The following TLN1 variants were observed in gnomAD, a reference collection of about 807,000 sequenced individuals.
TLN1 encodes talin-1.
TLN1 carries 56 observed loss-of-function variants against 292.3 expected under a neutral mutation model. That is an observed-to-expected ratio of 0.19 (90% CI 0.15 to 0.24). The LOEUF is 0.24. TLN1 is among the 10% of genes least tolerant of loss of function. TLN1 has a pLI of 1.00. For synonymous variants in TLN1, 1,119 were observed against 1,253.7 expected, an observed-to-expected ratio of 0.89 and a Z score of 2.27; for missense variants, 2,433 against 3,248.2, an observed-to-expected ratio of 0.75 and a Z score of 6.10.
In TLN1 at chr9:35,706,182, C is replaced by T; in HGVS notation, c.5361+14G>A. On this transcript the variant is annotated intron_variant, in intron 40 of 56. Coordinates refer to ENST00000314888, the MANE Select transcript of TLN1 (RefSeq NM_006289.4). The surrounding 1 kb of genome is among the most constrained non-coding windows in gnomAD (Gnocchi z 4.2). ...TCCTGCTAGTAACAGCTCCTCCCTC[C>T]CAACCCTCAATACCTTTGGGTTACC... 15 of 1,609,702 alleles carry T rather than the reference C, an allele frequency of 9.3e-6. No homozygotes were observed. The highest frequency in any genetic ancestry group is 1.2e-5 in the Non-Finnish European group (14 of 1,177,432).
Position 35,704,023 on chromosome 9 carries a change from C to T in TLN1, c.6199G>A (p.Ala2067Thr). Residue 2067 changes from alanine (A) to threonine (T), a missense_variant, in exon 46 of 57, where the codon GCC becomes ACC. By Grantham distance (58) the Ala-to-Thr change is moderately conservative. Transcript: ENST00000314888. The surrounding 1 kb of genome is among the most constrained non-coding windows in gnomAD (Gnocchi z 6.9). ...RLADVVKLGA[A>T]SLGAEDPETQ... is the part of the protein sequence containing the mutation. ...TCAGGGTCCTCAGCTCCCAGGCTGG[C>T]TGCACCCAGCTTGACCACATCAGCG... 6.2e-7 allele frequency: 1 copy of T among 1,613,208 alleles called. No homozygotes were observed. The highest frequency in any genetic ancestry group is 2.2e-5 in the East Asian group (1 of 44,856).
Position 35,705,596 on chromosome 9 carries a change from C to T in TLN1, c.5688G>A (p.Leu1896=), listed in dbSNP as rs559304745. 2.7e-4 allele frequency: 439 copies of T among 1,605,170 alleles called. 3 individuals carry two copies. In the South Asian group the frequency reaches 4.6e-3, roughly 17 times the overall value. The change falls in exon 43 of 57, where the codon CTG becomes CTA. Residue 1896 remains leucine (L), a synonymous_variant. Coordinates refer to ENST00000314888, the MANE Select transcript of TLN1 (RefSeq NM_006289.4). ...ANQLTSDYGR[L]ASEAKPAAVA... is the part of the protein sequence containing the mutation. ...CCGCTGCAGGCTTGGCCTCCGAGGC[C>T]AGACGGCCATAGTCACTGGTCAGCT...
chr9:35,705,869 G>T lies in TLN1; in HGVS notation c.5512-18C>A. The T allele has an allele frequency of 1.9e-6, 3 of 1,614,158 alleles. No individual in the cohort carries two copies. The highest frequency in any genetic ancestry group is 2.5e-6 in the Non-Finnish European group (3 of 1,180,022). ...TCATCTAGCTGAGGGGGGAGGATAG[G>T]GAAAGGGAAAGACTGTTAGGGTCTC... On this transcript the variant is annotated intron_variant, in intron 41 of 56. Transcript: ENST00000314888.
chr9:35,719,462 G>A lies in TLN1; in HGVS notation c.1687+57C>T, dbSNP rs1431703140. ...CATGAAGCCAGTCACATGCATGCCT[G>A]TGCACACTTGCACCCCCTCTCCCCA... On this transcript the variant is annotated intron_variant, in intron 15 of 56. Transcript: ENST00000314888. The surrounding 1 kb of genome is among the most constrained non-coding windows in gnomAD (Gnocchi z 4.6). 1.2e-5 allele frequency: 18 copies of A among 1,496,584 alleles called. No individual in the cohort carries two copies. The highest frequency in any genetic ancestry group is 6.8e-5 in the East Asian group (3 of 44,382). 92.7% of individuals were successfully genotyped at this position (1,496,584 alleles called of 1,614,324 possible).
rs776442599 is a variant in TLN1, at chr9:35,718,907, G to C, written c.1900C>G (p.Arg634Gly). ...CCAGCTGCTTGCAGCAGGTTCTGAC[G>C]GGGCTGTGGAGAGTGAACACCAGTC... ...RSAQPASAEP[R>G]QNLLQAAGNV... is the part of the protein sequence containing the mutation. The change falls in exon 17 of 57, where the codon CGT becomes GGT. Residue 634 changes from arginine (R) to glycine (G), a missense_variant. By Grantham distance (125) the Arg-to-Gly change is moderately radical (BLOSUM62 -2). Coordinates refer to ENST00000314888, the MANE Select transcript of TLN1 (RefSeq NM_006289.4). 1 of 1,611,958 alleles carries C rather than the reference G, an allele frequency of 6.2e-7. No individual in the cohort carries two copies. The highest frequency in any genetic ancestry group is 1.3e-5 in the African/African-American group (1 of 74,948).
chr9:35,697,720 C>A lies in TLN1; in HGVS notation c.*71G>T, dbSNP rs565808481. On this transcript the variant is annotated 3_prime_UTR_variant, in exon 57 of 57. Transcript: ENST00000314888. ...TGGGGTTGGGCAGGTTGGGCCCCGA[C>A]AGCCCAGAAGGCTTTGGTAGTGGCA... 46 of 1,580,564 alleles carry A rather than the reference C, an allele frequency of 2.9e-5. 1 individual carries two copies. In the South Asian group the frequency reaches 5.1e-4, roughly 17 times the overall value.
Position 35,707,919 on chromosome 9 carries a change from A to T in TLN1, c.4471-27T>A. The stretch of plus-strand genomic sequence containing the variant: ...TGAGGAGACACATGGAAGAGCCACG[A>T]TGAGGGCAGGAAGGAGGTGTACATA... On this transcript the variant is annotated intron_variant, in intron 34 of 56. Transcript: ENST00000314888. This position sits in a 1 kb window ranked among gnomAD's most constrained non-coding sequence, Gnocchi z 5.6. 6.2e-7 allele frequency: 1 copy of T among 1,611,696 alleles called. No homozygotes were observed. Among genetic ancestry groups the T allele is most frequent in the Non-Finnish European group, 8.5e-7 (1 of 1,178,434 alleles).
In TLN1 at chr9:35,697,925, G is replaced by A; in HGVS notation, c.7501-9C>T. Reference sequence around the variant, plus strand: ...TCCTGTGCTGCGATGATCTGAGGGTGGAGATCGGGGACTTAGTTCAGTGAG... The same window carrying A: ...TCCTGTGCTGCGATGATCTGAGGGTAGAGATCGGGGACTTAGTTCAGTGAG... On this transcript the variant is annotated splice_polypyrimidine_tract_variant and intron_variant, in intron 56 of 56. Coordinates refer to ENST00000314888, the MANE Select transcript of TLN1 (RefSeq NM_006289.4). 1 of 1,614,144 alleles carries A rather than the reference G, an allele frequency of 6.2e-7. No individual in the cohort carries two copies. Among genetic ancestry groups the A allele is most frequent in the Non-Finnish European group, 8.5e-7 (1 of 1,180,010 alleles).
chr9:35,723,445 A>G (rs1825913577), intron 7 of TLN1: 1 of 187,430 alleles, frequency 5.3e-6, no homozygotes, highest in South Asian at 9.6e-5. Flanking sequence ...CCTGTAGGGA[A>G]AGGGACTGAG....
Position 35,711,677 on chromosome 9 carries a change from T to A in TLN1, c.3797A>T (p.Asp1266Val). The change falls in exon 29 of 57, where the codon GAC becomes GTC. Residue 1266 changes from aspartate to valine, a missense_variant. Coordinates refer to ENST00000314888, the MANE Select transcript of TLN1 (RefSeq NM_006289.4). The part of the protein sequence containing the change: ...LVQASRGTPQ[D>V]LARASGRFGQ... ...AAATCGGCCTGAGGCTCGAGCCAGG[T>A]CCTGAGGGGTTCCCCGAGAGGCCTG... The A allele has an allele frequency of 6.2e-7, 1 of 1,614,116 alleles. No individual in the cohort carries two copies. Among genetic ancestry groups the A allele is most frequent in the Non-Finnish European group, 8.5e-7 (1 of 1,180,018 alleles).
intron 43 of TLN1, 95 bp downstream of exon 43, chr9:35,705,456 T>A: frequency 7.6e-7 from 1 of 1,310,158 alleles, no homozygotes. Flanking sequence ...CCCCTTTCTA[T>A]GAAAGACCAG....
chr9:35,730,387 C>A (rs1826053091), intron 1 of TLN1, among the ~76,000 whole-genome samples: 1 of 151,198 alleles, frequency 6.6e-6, no homozygotes, highest in Admixed American at 6.6e-5. Context: ...TCAGCAAGAC[C>A]CAGTTTCCTC....
At position 35,704,394 on chromosome 9, in the gene TLN1, G is replaced by A. The variant is rs777489525; in HGVS notation, c.5985C>T (p.Thr1995=). The stretch of plus-strand genomic sequence containing the variant: ...GCGTGCCAGCAGTGGCGAACATGAT[G>A]GTGGTGTCGAGGTCAGCAATGATAC... The part of the protein sequence containing the change: ...VSGIIADLDT[T]IMFATAGTLN... Residue 1995 remains threonine (T), a synonymous_variant, in exon 45 of 57, where the codon ACC becomes ACT. Coordinates refer to ENST00000314888, the MANE Select transcript of TLN1 (RefSeq NM_006289.4). This position sits in a 1 kb window ranked among gnomAD's most constrained non-coding sequence, Gnocchi z 6.9. 4 of 1,614,230 alleles carry A rather than the reference G, an allele frequency of 2.5e-6. No individual in the cohort carries two copies. The South Asian group carries it at 4.4e-5, about 18-fold the overall frequency.
At chr9:35,711,199 C>CT (rs781712659) in intron 30 of TLN1, 56 bp downstream of exon 30, 38 of 1,611,224 alleles carry the variant, frequency 2.4e-5, no homozygotes, top group Non-Finnish European at 3.2e-5. Context: ...CATGAACTGC[C>CT]TGCTCCCCAG....
rs1825554578 is a variant in TLN1, at chr9:35,705,821, C to G, written c.5542G>C (p.Gly1848Arg). The G allele has an allele frequency of 6.2e-7, 1 of 1,614,268 alleles. No individual in the cohort carries two copies. The highest frequency in any genetic ancestry group is 8.5e-7 in the Non-Finnish European group (1 of 1,180,056). ...LDEGPMGEPE[G>R]SFVDYQTTMV... ...GTTGTTTGGTAATCCACGAAGGAACCTTCTGGTTCACCCATTGGTCCTTCA... is the reference window on the plus strand; with the variant it reads ...GTTGTTTGGTAATCCACGAAGGAACGTTCTGGTTCACCCATTGGTCCTTCA... Residue 1848 changes from glycine (G) to arginine (R), a missense_variant, in exon 42 of 57, where the codon GGT (glycine) becomes CGT (arginine). By Grantham distance (125) the Gly-to-Arg change is moderately radical. Transcript: ENST00000314888.
chr9:35,707,526 A>G lies in TLN1; in HGVS notation c.4633-38T>C, dbSNP rs1436699365. 1.9e-6 allele frequency: 3 copies of G among 1,608,944 alleles called. No individual in the cohort carries two copies. Among genetic ancestry groups the G allele is most frequent in the South Asian group, 2.2e-5 (2 of 90,840 alleles). On this transcript the variant is annotated intron_variant, in intron 35 of 56. Coordinates refer to ENST00000314888, the MANE Select transcript of TLN1 (RefSeq NM_006289.4). The surrounding 1 kb of genome is among the most constrained non-coding windows in gnomAD (Gnocchi z 5.6). ...GAGAGGCTCTCAGGACTTGGGATGC[A>G]GTCATAGGGGGTATAGGAAGTGAAG...
At position 35,710,870 on chromosome 9, in the gene TLN1, A is replaced by T; in HGVS notation, c.4130T>A (p.Leu1377Gln). 6.2e-7 allele frequency: 1 copy of T among 1,614,242 alleles called. No individual in the cohort carries two copies. The highest frequency in any genetic ancestry group is 8.5e-7 in the Non-Finnish European group (1 of 1,180,044). The part of the protein sequence containing the change: ...LRELETVREL[L>Q]ENPVQPINDM... ...ATTGATGGGCTGGACTGGGTTCTCC[A>T]GGAGTTCCCGGACCGTCTGTGTAGG... The change falls in exon 32 of 57, where the codon CTG becomes CAG. Residue 1377 changes from leucine (L) to glutamine (Q), a missense_variant. Transcript: ENST00000314888.
intron 33 of TLN1, among the ~76,000 whole-genome samples, chr9:35,709,828 A>G (rs992795773): frequency 7.6e-6 from 1 of 132,262 alleles, no homozygotes; most frequent in African/African-American, 2.9e-5. Flanking sequence ...CGGAGCTTGC[A>G]GTGAGTCTAG....
intron 3 of TLN1, 127 bp downstream of exon 3, chr9:35,725,097 G>A (rs1405756548): frequency 4.6e-6 from 7 of 1,532,198 alleles, no homozygotes; most frequent in Non-Finnish European, 6.3e-6. Context: ...AATTATGACT[G>A]TCTGTTAATA....
Sources: gnomAD v4.1 joint callset for allele counts (sites outside exome capture counted in the v4.1 genomes callset) on GRCh38, gnomAD v4.1.1 for gene constraint, Gnocchi (gnomAD v3.1) non-coding constraint, MANE v1.5 for transcripts, NCBI Gene and HGNC (gene_info 2026-07-23, HGNC 2026-07-21) for gene names.